Variants in ATP8B4 observed in about 807,000 individuals in gnomAD.
The protein encoded by ATP8B4 is probable phospholipid-transporting ATPase IM.
Under a neutral mutation model 145.6 loss-of-function variants are expected in ATP8B4, and 133 were observed. That is an observed-to-expected ratio of 0.91 (90% CI 0.79 to 1.05). The LOEUF (loss-of-function observed/expected upper bound fraction) is 1.05, where lower values mean the gene tolerates loss of function less well. Ranked by LOEUF, ATP8B4 falls within the 50% of genes least tolerant of loss-of-function variation. ATP8B4 has a pLI of 0.00. For synonymous variants in ATP8B4, 507 were observed against 492.9 expected (o/e 1.03, Z -0.38); for missense variants, 1,458 against 1,425.2 (o/e 1.02, Z -0.37).
chr15:49,990,130 G>C (rs897638402), intron 9 of ATP8B4, among the ~76,000 whole-genome samples: 2 of 152,104 alleles, frequency 1.3e-5, no homozygotes, highest in East Asian at 3.9e-4. Flanking sequence ...AAAGGGAGTC[G>C]AGTAGATCTG....
upstream of ATP8B4, among the ~76,000 whole-genome samples, chr15:50,122,178 C>T (rs150540830): frequency 5.9e-5 from 9 of 152,260 alleles, no homozygotes; most frequent in East Asian, 1.7e-3. Flanking sequence ...AGATTAACTA[C>T]CTGTAACAAG....
chr15:50,001,681 T>A (rs1028643459), intron 8 of ATP8B4, among the ~76,000 whole-genome samples: 6 of 152,226 alleles, frequency 3.9e-5, no homozygotes, highest in African/African-American at 1.4e-4. Flanking sequence ...CTATATGGTC[T>A]ATAACTAAAT....
intron 13 of ATP8B4, among the ~76,000 whole-genome samples, chr15:49,965,593 C>G (rs1056272381): frequency 8.5e-5 from 13 of 152,130 alleles, no homozygotes; most frequent in Admixed American, 8.5e-4. Flanking sequence ...GATAAAAGCA[C>G]GCAAACAAGA....
intron 2 of ATP8B4, among the ~76,000 whole-genome samples, chr15:50,105,218 C>A (rs2056610914): frequency 1.4e-5 from 2 of 141,522 alleles, no homozygotes; most frequent in Admixed American, 7.2e-5. Context: ...CTCATGTAAC[C>A]AAACACTACC....
At position 49,889,131 on chromosome 15, in the gene ATP8B4, C is replaced by A. The variant is rs1480061999; in HGVS notation, c.2697+8161G>T. On this transcript the variant is annotated intron_variant, in intron 23 of 27. Coordinates refer to ENST00000284509, the MANE Select transcript of ATP8B4 (RefSeq NM_024837.4). Reference sequence around the variant, plus strand: ...ATTTTTAAAAAAAAAAAGGATATGGCCATTAGCTTTTCCAAATTTATGACA... The same window carrying A: ...ATTTTTAAAAAAAAAAAGGATATGGACATTAGCTTTTCCAAATTTATGACA... Among the ~76,000 whole-genome samples, 4 of 151,958 alleles carry A rather than the reference C, an allele frequency of 2.6e-5. No individual in the cohort carries two copies. The East Asian group carries it at 7.7e-4, about 29-fold the overall frequency.
At chr15:49,958,827 A>G (rs963700058) in intron 14 of ATP8B4, among the ~76,000 whole-genome samples, 6 of 151,994 alleles carry the variant, frequency 3.9e-5, no homozygotes, top group African/African-American at 1.4e-4. Flanking sequence ...TAAGAACATT[A>G]TCTAAGAGCT....
chr15:49,935,335 G>A lies in ATP8B4; in HGVS notation c.1288-1153C>T, dbSNP rs994526568. ...CCCCGTTTTACAGATGAGAACCTGA[G>A]CATTGCCAAGGCCAACCATATACAT... is the stretch of plus-strand genomic sequence containing the variant. On this transcript the variant is annotated intron_variant, in intron 14 of 27. Coordinates refer to ENST00000284509, the MANE Select transcript of ATP8B4 (RefSeq NM_024837.4). 3.9e-5 allele frequency among the ~76,000 whole-genome samples: 6 copies of A among 152,018 alleles called. No homozygotes were observed. The South Asian group carries it at 1.2e-3, about 32-fold the overall frequency.
At chr15:50,000,035 C>T (rs1303585916) in intron 8 of ATP8B4, among the ~76,000 whole-genome samples, 1 of 152,142 alleles carries the variant, frequency 6.6e-6, no homozygotes, top group Non-Finnish European at 1.5e-5. Context: ...GTAGTTCACT[C>T]ATTTTCATTG....
At chr15:49,906,054 A>G (rs1159805150) in intron 20 of ATP8B4, among the ~76,000 whole-genome samples, 1 of 152,216 alleles carries the variant, frequency 6.6e-6, no homozygotes, top group East Asian at 1.9e-4. Flanking sequence ...TTTAACAAAA[A>G]TATCATGGGC....
intron 10 of ATP8B4, among the ~76,000 whole-genome samples, chr15:49,982,251 G>C (rs2046221298): frequency 6.6e-6 from 1 of 151,836 alleles, no homozygotes; most frequent in Non-Finnish European, 1.5e-5. Flanking sequence ...TTATGTAAAA[G>C]AAAAAAAGAA....
intron 1 of ATP8B4, among the ~76,000 whole-genome samples, chr15:50,170,532 C>G (rs951433844): frequency 1.6e-4 from 23 of 147,300 alleles, no homozygotes; most frequent in Non-Finnish European, 3.3e-4. Context: ...TAAAGGGAGC[C>G]CTAAATCTTG....
intron 6 of ATP8B4, among the ~76,000 whole-genome samples, chr15:50,032,258 C>A (rs1314322217): frequency 6.6e-6 from 1 of 151,672 alleles, no homozygotes; most frequent in Non-Finnish European, 1.5e-5. Context: ...TTGTTCAACT[C>A]CCACTTATGA....
chr15:49,911,259 T>C (rs1415982701), intron 20 of ATP8B4, among the ~76,000 whole-genome samples: 1 of 152,042 alleles, frequency 6.6e-6, no homozygotes, highest in Non-Finnish European at 1.5e-5. Flanking sequence ...ATGTGATCTA[T>C]ATGCTGCCTA....
intron 3 of ATP8B4, among the ~76,000 whole-genome samples, chr15:50,071,048 G>C (rs895816400): frequency 2.0e-5 from 3 of 152,078 alleles, no homozygotes; most frequent in Non-Finnish European, 4.4e-5. Flanking sequence ...GCCCATCTTG[G>C]TATGTTTTAA....
chr15:50,076,620 T>C (rs993018375), intron 2 of ATP8B4, among the ~76,000 whole-genome samples: 40 of 152,298 alleles, frequency 2.6e-4, no homozygotes, highest in African/African-American at 9.4e-4. Flanking sequence ...TCAGTTTGGA[T>C]CTTCTTTCAG....
chr15:50,160,603 T>A (rs1403119415), intron 1 of ATP8B4, among the ~76,000 whole-genome samples: 2 of 152,086 alleles, frequency 1.3e-5, no homozygotes, highest in Non-Finnish European at 2.9e-5. Context: ...AAGAAATTTT[T>A]CAATTTCCTT....
At chr15:50,111,614 T>C (rs1240769738) in intron 1 of ATP8B4, among the ~76,000 whole-genome samples, 1 of 152,156 alleles carries the variant, frequency 6.6e-6, no homozygotes, top group Non-Finnish European at 1.5e-5. Context: ...TAGAAGCCTG[T>C]CCTTTGGGGC....
intron 1 of ATP8B4, among the ~76,000 whole-genome samples, chr15:50,175,264 C>T (rs540867541): frequency 9.2e-4 from 140 of 152,140 alleles, no homozygotes; most frequent in African/African-American, 3.3e-3. Flanking sequence ...AAACCCAAAA[C>T]CAAATGCAAT....
intron 2 of ATP8B4, among the ~76,000 whole-genome samples, chr15:50,081,466 T>C (rs1181295496): frequency 1.3e-5 from 2 of 152,216 alleles, no homozygotes; most frequent in East Asian, 3.8e-4. Context: ...ATATTTTCAA[T>C]GGAAATTGGC....
Sources: allele counts gnomAD v4.1 joint callset (sites outside exome capture counted in the v4.1 genomes callset), GRCh38; gene constraint gnomAD v4.1.1; transcripts MANE v1.5; gene names NCBI Gene and HGNC (gene_info 2026-07-23, HGNC 2026-07-21).